Variants in KCNG2 observed in about 807,000 individuals in gnomAD.
The protein encoded by KCNG2 is voltage-gated potassium channel regulatory subunit KCNG2.
Under a neutral mutation model 12.3 loss-of-function variants are expected in KCNG2, and 7 were observed. That is an observed-to-expected ratio of 0.57 (90% CI 0.32 to 1.07). The LOEUF is 1.07. Ranked by LOEUF, KCNG2 falls within the 50% of genes least tolerant of loss-of-function variation. The pLI, the probability that KCNG2 is intolerant of heterozygous loss-of-function variation, is 0.04. For synonymous variants in KCNG2, 414 were observed against 351.4 expected (o/e 1.18, Z -1.99); for missense variants, 703 against 726.0 (o/e 0.97, Z 0.36).
At chr18:79,892,781 T>C (rs992241044) in intron 3 of KCNG2, among the ~76,000 whole-genome samples, 6 of 151,954 alleles carry the variant, frequency 3.9e-5, no homozygotes, top group Non-Finnish European at 7.4e-5. Flanking sequence ...ATGATTGATA[T>C]AGTTGGGTCT....
chr18:79,852,793 C>T (rs1341063961), intron 1 of KCNG2, among the ~76,000 whole-genome samples: 3 of 152,250 alleles, frequency 2.0e-5, no homozygotes, highest in Non-Finnish European at 4.4e-5. Flanking sequence ...GCCTCCTGCC[C>T]GGTTCAGGGT....
rs561772150 is a variant in KCNG2 at position 79,875,655 on chromosome 18, C to T, written c.624+11364C>T. Among the ~76,000 whole-genome samples, 5 of 152,324 alleles carry T rather than the reference C, an allele frequency of 3.3e-5. No homozygotes were observed. The East Asian group carries it at 7.7e-4, about 24-fold the overall frequency. ...CACGGCAGCACCGCAGACCCTGGCA[C>T]GGGGTTGGGGACAGCGGTCCTGAGT... On this transcript the variant is annotated intron_variant, in intron 3 of 3. Coordinates refer to ENST00000316249, the MANE Select transcript of KCNG2 (RefSeq NM_012283.2).
In KCNG2 at chr18:79,803,905, G is replaced by A. The variant is rs1295380861; in HGVS notation, c.-115+5891G>A. On this transcript the variant is annotated intron_variant, in intron 1 of 3. Transcript: ENST00000316249. The surrounding 1 kb of genome is among the most constrained non-coding windows in gnomAD (Gnocchi z 4.5). ...CTCCGGGGTTGGTGCCGGTGGATCA[G>A]AATCTTAGGCCTGGCCTGGCCGTGT... is the stretch of plus-strand genomic sequence containing the variant. Among the ~76,000 whole-genome samples the A allele has an allele frequency of 1.3e-5, 2 of 152,218 alleles. No homozygotes were observed. Among genetic ancestry groups the A allele is most frequent in the African/African-American group, 2.4e-5 (1 of 41,450 alleles).
intron 1 of KCNG2, chr18:79,816,148 C>A (rs1479769099): frequency 6.6e-6 from 1 of 152,222 alleles, no homozygotes; most frequent in Non-Finnish European, 1.5e-5. Flanking sequence ...CATACCGTGC[C>A]CTGACCTGGG....
At chr18:79,867,077 G>A (rs913001904) in intron 3 of KCNG2, among the ~76,000 whole-genome samples, 6 of 150,488 alleles carry the variant, frequency 4.0e-5, no homozygotes, top group Middle Eastern at 3.5e-3. Flanking sequence ...TGAGGCCTGG[G>A]TGCTGAGAGG....
intron 1 of KCNG2, among the ~76,000 whole-genome samples, chr18:79,831,645 G>A (rs573323407): frequency 1.6e-5 from 2 of 125,536 alleles, no homozygotes; most frequent in South Asian, 3.1e-4. Flanking sequence ...CGTCAGGAGC[G>A]TGCCCTGCGG....
At chr18:79,854,947 T>C (rs11662594) in intron 1 of KCNG2, among the ~76,000 whole-genome samples, 138,020 of 152,220 alleles carry the variant, frequency 0.91, 64,187 homozygotes, top group East Asian at 1. Context: ...CAGCGTGAGA[T>C]CTTTCTACGG....
intron 1 of KCNG2, among the ~76,000 whole-genome samples, 125 bp downstream of exon 1, chr18:79,798,139 C>G (rs1038984013): frequency 1.4e-5 from 2 of 141,968 alleles, no homozygotes; most frequent in African/African-American, 5.2e-5. Context: ...GCTTCTTCTC[C>G]GGGTGCGCGG....
At chr18:79,891,536 G>A (rs2364354) in intron 3 of KCNG2, among the ~76,000 whole-genome samples, 51,152 of 152,026 alleles carry the variant, frequency 0.34, 10,650 homozygotes, top group Non-Finnish European at 0.47. Context: ...GGCCCTCTAA[G>A]CATTACTTTA....
intron 2 of KCNG2, among the ~76,000 whole-genome samples, chr18:79,862,088 C>A (rs188038900): frequency 9.9e-5 from 15 of 152,252 alleles, no homozygotes; most frequent in East Asian, 1.9e-4. Context: ...TATGTGAAAT[C>A]TTTTCTGGTG....
At chr18:79,897,527 T>C (rs1981022249) in intron 3 of KCNG2, among the ~76,000 whole-genome samples, 2 of 152,254 alleles carry the variant, frequency 1.3e-5, no homozygotes, top group African/African-American at 4.8e-5. Context: ...CTTTGAAATC[T>C]CATTCAGTTA....
intron 2 of KCNG2, among the ~76,000 whole-genome samples, chr18:79,859,480 G>T (rs1979136915): frequency 6.6e-6 from 1 of 152,176 alleles, no homozygotes; most frequent in East Asian, 1.9e-4. Flanking sequence ...AAGGGCTAGG[G>T]GTGCCAGGCG....
chr18:79,823,092 G>C (rs1030650259), intron 1 of KCNG2, among the ~76,000 whole-genome samples: 2 of 152,092 alleles, frequency 1.3e-5, no homozygotes, highest in Non-Finnish European at 2.9e-5. Context: ...GTGCATTTCA[G>C]CTGGCCCCTG....
chr18:79,809,790 C>T (rs573369824), intron 1 of KCNG2, among the ~76,000 whole-genome samples: 7 of 152,268 alleles, frequency 4.6e-5, no homozygotes, highest in Non-Finnish European at 7.3e-5. Context: ...CTACTGCACA[C>T]TAGGAGCTGT....
At chr18:79,811,343 C>T (rs1222998796) in intron 1 of KCNG2, among the ~76,000 whole-genome samples, 1 of 152,110 alleles carries the variant, frequency 6.6e-6, no homozygotes, top group Non-Finnish European at 1.5e-5. Context: ...CTACAGTAAG[C>T]AAAATAGTGT....
At chr18:79,828,780 CTGTG>C (rs1259396344) in intron 1 of KCNG2, among the ~76,000 whole-genome samples, 7 of 114,772 alleles carry the variant, frequency 6.1e-5, no homozygotes, top group South Asian at 6.2e-4. Flanking sequence ...TGTAACGTGT[CTGTG>C]TGTGCATGTG....
At chr18:79,895,766 G>A (rs1056111182) in intron 3 of KCNG2, among the ~76,000 whole-genome samples, 1 of 152,132 alleles carries the variant, frequency 6.6e-6, no homozygotes, top group African/African-American at 2.4e-5. Context: ...AGTTGGATCT[G>A]TGTCTGCTTT....
chr18:79,826,307 G>T (rs1010206546), intron 1 of KCNG2, among the ~76,000 whole-genome samples: 21 of 152,272 alleles, frequency 1.4e-4, no homozygotes, highest in Non-Finnish European at 1.6e-4. Context: ...GGGAAAGCAG[G>T]TGTGTGGAGG....
In KCNG2 at chr18:79,836,272, C is replaced by T. The variant is rs936027423; in HGVS notation, c.-114-20107C>T. Among the ~76,000 whole-genome samples the T allele has an allele frequency of 6.6e-5, 10 of 152,170 alleles. No individual in the cohort carries two copies. The Middle Eastern group carries it at 0.01, about 155-fold the overall frequency. ...GTAGACTTCAAGGTAAATAATGTTACCAGAGACAGAGGAGAAACGTTATGT... is the reference window on the plus strand; with the variant it reads ...GTAGACTTCAAGGTAAATAATGTTATCAGAGACAGAGGAGAAACGTTATGT... On this transcript the variant is annotated intron_variant, in intron 1 of 3. Transcript: ENST00000316249.
Sources: gnomAD v4.1 joint callset for allele counts (sites outside exome capture counted in the v4.1 genomes callset) on GRCh38, gnomAD v4.1.1 for gene constraint, Gnocchi (gnomAD v3.1) non-coding constraint, MANE v1.5 for transcripts, NCBI Gene and HGNC (gene_info 2026-07-23, HGNC 2026-07-21) for gene names.